The following CFAP54 variants were observed in gnomAD, a reference collection of about 807,000 sequenced individuals.
The protein encoded by CFAP54 is cilia- and flagella-associated protein 54.
In CFAP54, 290 loss-of-function variants were observed where a neutral mutation model predicts 370.4. The observed-to-expected ratio is 0.78, with a 90% CI of 0.71 to 0.86. The LOEUF (loss-of-function observed/expected upper bound fraction) is 0.86, where lower values mean the gene tolerates loss of function less well. Among genes scored for constraint, CFAP54 ranks in the 40% least tolerant of loss-of-function variants. The probability of loss-of-function intolerance (pLI) is 0.00; values close to 1 mark genes in which losing one functional copy is unlikely to be tolerated. For synonymous variants in CFAP54, 1,206 were observed against 1,236.5 expected (o/e 0.98, Z 0.52); for missense variants, 3,399 against 3,528.7 (o/e 0.96, Z 0.93).
intron 66 of CFAP54, among the ~76,000 whole-genome samples, chr12:96,853,479 T>C (rs1196096327): frequency 6.6e-6 from 1 of 152,196 alleles, no homozygotes; most frequent in Non-Finnish European, 1.5e-5. Flanking sequence ...AAAGAAAGTG[T>C]ATATGCAAGT....
At chr12:96,583,316 T>C (rs1322063089) in intron 22 of CFAP54, among the ~76,000 whole-genome samples, 1 of 152,156 alleles carries the variant, frequency 6.6e-6, no homozygotes, top group Non-Finnish European at 1.5e-5. Context: ...GATAATATCA[T>C]ATAAATGTAG....
chr12:96,817,802 T>A lies in CFAP54; in HGVS notation c.8985T>A (p.Ser2995=). 1 of 1,498,128 alleles carries A rather than the reference T, an allele frequency of 6.7e-7. No homozygotes were observed. Among genetic ancestry groups the A allele is most frequent in the South Asian group, 1.3e-5 (1 of 78,912 alleles). 92.8% of individuals were successfully genotyped at this position (1,498,128 alleles called of 1,614,324 possible). ...NRVIAIHEKL[S]NLAQIAELSL... is the part of the protein sequence containing the mutation. ...TTATTGCAATTCATGAGAAATTATC[T>A]AATCTTGCTCAAATAGCTGAACTAT... Residue 2995 remains serine (S), a synonymous_variant, in exon 65 of 68, where the codon TCT becomes TCA. Coordinates refer to ENST00000524981, the MANE Select transcript of CFAP54 (RefSeq NM_001306084.2).
At chr12:96,505,806 C>T (rs1219818581) in intron 3 of CFAP54, among the ~76,000 whole-genome samples, 2 of 151,812 alleles carry the variant, frequency 1.3e-5, no homozygotes, top group Non-Finnish European at 2.9e-5. Context: ...AAAATACTTT[C>T]AATTCAGTGA....
intron 60 of CFAP54, among the ~76,000 whole-genome samples, chr12:96,783,247 G>A (rs894660568): frequency 1.3e-5 from 2 of 152,174 alleles, no homozygotes; most frequent in Non-Finnish European, 2.9e-5. Context: ...CTCAGGCAGC[G>A]AGAGTGAAAT....
intron 63 of CFAP54, among the ~76,000 whole-genome samples, chr12:96,802,615 C>G (rs776512961): frequency 6.6e-6 from 1 of 152,080 alleles, no homozygotes; most frequent in Non-Finnish European, 1.5e-5. Flanking sequence ...CACATCTGGC[C>G]GACTACTCCC....
intron 11 of CFAP54, among the ~76,000 whole-genome samples, chr12:96,534,550 C>T (rs145564165): frequency 2.0e-5 from 3 of 152,204 alleles, no homozygotes; most frequent in South Asian, 2.1e-4. Context: ...GAGGGAGGCC[C>T]GCAAGGCAGT....
intron 66 of CFAP54, among the ~76,000 whole-genome samples, chr12:96,857,584 G>C (rs904305970): frequency 5.3e-5 from 8 of 152,100 alleles, no homozygotes; most frequent in Non-Finnish European, 8.8e-5. Flanking sequence ...ATTTGGCTCT[G>C]TATCTCTACC....
At chr12:96,756,613 G>A (rs776999064) in intron 57 of CFAP54, 50 bp downstream of exon 57, 56 of 1,291,674 alleles carry the variant, frequency 4.3e-5, no homozygotes, top group East Asian at 9.4e-5. Context: ...CTTGAGCCCC[G>A]TGTTCTTGTA....
intron 5 of CFAP54, among the ~76,000 whole-genome samples, chr12:96,514,471 G>A (rs1005657439): frequency 1.3e-5 from 2 of 152,182 alleles, no homozygotes; most frequent in Non-Finnish European, 2.9e-5. Flanking sequence ...AACTTGGCCC[G>A]CAGACTACTG....
At chr12:96,641,581 T>C (rs1213094278) in intron 32 of CFAP54, among the ~76,000 whole-genome samples, 1 of 152,148 alleles carries the variant, frequency 6.6e-6, no homozygotes, top group Non-Finnish European at 1.5e-5. Flanking sequence ...TTACTGGGTA[T>C]ATACCCAAAG....
At chr12:96,619,723 A>T (rs1956463881) in intron 26 of CFAP54, among the ~76,000 whole-genome samples, 1 of 152,356 alleles carries the variant, frequency 6.6e-6, no homozygotes, top group Non-Finnish European at 1.5e-5. Flanking sequence ...CTTAGGACCT[A>T]AATATGTCAG....
intron 39 of CFAP54, among the ~76,000 whole-genome samples, chr12:96,666,921 A>G (rs1478264797): frequency 6.6e-6 from 1 of 152,268 alleles, no homozygotes; most frequent in African/African-American, 2.4e-5. Context: ...ATGAGCCTGT[A>G]AAATCAAAAG....
chr12:96,854,110 T>C (rs1306925136), intron 66 of CFAP54, among the ~76,000 whole-genome samples: 4 of 152,140 alleles, frequency 2.6e-5, no homozygotes, highest in African/African-American at 9.7e-5. Flanking sequence ...TTATTATTTC[T>C]TTGTTTCCTA....
chr12:96,669,634 A>C (rs982264599), intron 39 of CFAP54, among the ~76,000 whole-genome samples: 2 of 152,210 alleles, frequency 1.3e-5, no homozygotes, highest in African/African-American at 4.8e-5. Context: ...TTGGGTAGCC[A>C]GATGGATGAT....
chr12:96,554,857 G>A, intron 17 of CFAP54, 55 bp downstream of exon 17: 1 of 1,368,788 alleles, frequency 7.3e-7, no homozygotes, highest in African/African-American at 1.5e-5. Context: ...CCAGACTCCA[G>A]TACAGAATCA....
intron 47 of CFAP54, among the ~76,000 whole-genome samples, chr12:96,707,649 T>G (rs1957560608): frequency 6.6e-6 from 1 of 152,142 alleles, no homozygotes; most frequent in Non-Finnish European, 1.5e-5. Flanking sequence ...ATTAGCATAT[T>G]TATGATATAG....
intron 21 of CFAP54, 115 bp downstream of exon 21, chr12:96,580,804 A>C: frequency 9.0e-7 from 1 of 1,116,440 alleles, no homozygotes; most frequent in East Asian, 2.8e-5. Context: ...TCATAACTAA[A>C]ATCCAACAAT....
intron 22 of CFAP54, among the ~76,000 whole-genome samples, chr12:96,588,219 C>T (rs895330139): frequency 1.3e-5 from 2 of 152,020 alleles, no homozygotes; most frequent in Non-Finnish European, 1.5e-5. Context: ...CTCTGACCTG[C>T]CTCTCCAGTC....
chr12:96,828,088 T>A (rs1959148576), intron 65 of CFAP54, among the ~76,000 whole-genome samples: 1 of 134,798 alleles, frequency 7.4e-6, no homozygotes, highest in Non-Finnish European at 1.5e-5. Flanking sequence ...ATTATATATA[T>A]TATCAGAAAA....
Sources: allele counts gnomAD v4.1 joint callset (sites outside exome capture counted in the v4.1 genomes callset), GRCh38; gene constraint gnomAD v4.1.1; transcripts MANE v1.5; gene names NCBI Gene and HGNC (gene_info 2026-07-23, HGNC 2026-07-21).